Variants in STIL observed in about 807,000 individuals in gnomAD.
The protein encoded by STIL is STIL centriolar assembly protein.
Under a neutral mutation model 110.1 loss-of-function variants are expected in STIL, and 55 were observed. The observed-to-expected ratio is 0.50, with a 90% CI of 0.40 to 0.63. The LOEUF (loss-of-function observed/expected upper bound fraction) is 0.63, where lower values mean the gene tolerates loss of function less well. Ranked by LOEUF, STIL falls within the 20% of genes least tolerant of loss-of-function variation. The pLI, the probability that STIL is intolerant of heterozygous loss-of-function variation, is 0.00. For missense variants in STIL, 1,358 were observed against 1,530.0 expected, an observed-to-expected ratio of 0.89 and a Z score of 1.87; for synonymous variants, 481 against 530.0, an observed-to-expected ratio of 0.91 and a Z score of 1.27.
chr1:47,278,821 T>TA (rs60508726), intron 12 of STIL, among the ~76,000 whole-genome samples: 3 of 151,736 alleles, frequency 2.0e-5, no homozygotes, highest in African/African-American at 4.8e-5. Context: ...GTAAAAATTT[T>TA]AAAAAAAACT....
intron 2 of STIL, among the ~76,000 whole-genome samples, chr1:47,308,523 C>T (rs1187702936): frequency 4.6e-5 from 7 of 151,398 alleles, no homozygotes; most frequent in Admixed American, 4.6e-4. Flanking sequence ...GAAATACAAA[C>T]TTCACGTTTT....
Position 47,280,069 on chromosome 1 carries a change from ATCC to A in STIL, c.2217+169_2217+171del, listed in dbSNP as rs1645114105. ...GCATTGGGTTAAATTATTCTCTCTA[ATCC>A]TCATTTTACTTACCTGTAAAACAAG... On this transcript the variant is annotated intron_variant, in intron 12 of 16. Coordinates refer to ENST00000371877, the MANE Select transcript of STIL (RefSeq NM_001048166.1). Among the ~76,000 whole-genome samples the A allele has an allele frequency of 3.3e-5, 5 of 152,324 alleles. No homozygotes were observed. In the South Asian group the frequency reaches 1.0e-3, roughly 32 times the overall value.
intron 11 of STIL, among the ~76,000 whole-genome samples, chr1:47,282,061 A>G (rs1040445407): frequency 2.6e-5 from 4 of 152,142 alleles, no homozygotes; most frequent in African/African-American, 9.7e-5. Context: ...TGTCTTGGGT[A>G]GGTAACTTAA....
intron 16 of STIL, among the ~76,000 whole-genome samples, chr1:47,256,622 A>AAC (rs1376657556): frequency 1.4e-5 from 2 of 142,656 alleles, no homozygotes; most frequent in Non-Finnish European, 3.0e-5. Flanking sequence ...CTCCATCTCA[A>AAC]AAAAAAAAAA....
intron 14 of STIL, among the ~76,000 whole-genome samples, chr1:47,263,886 G>A (rs1295739960): frequency 2.0e-5 from 3 of 151,418 alleles, no homozygotes; most frequent in Non-Finnish European, 4.4e-5. Context: ...CTGAGTAGCT[G>A]GGATTACAGG....
chr1:47,309,467 A>C (rs1298597631), intron 2 of STIL, among the ~76,000 whole-genome samples: 1 of 152,112 alleles, frequency 6.6e-6, no homozygotes, highest in East Asian at 1.9e-4. Flanking sequence ...GGGGGGTAGA[A>C]CACAAGGGCC....
rs368303173 is a variant in STIL, at chr1:47,289,868, G to A, written c.873-283C>T. 4.7e-5 allele frequency among the ~76,000 whole-genome samples: 7 copies of A among 150,488 alleles called. No homozygotes were observed. The South Asian group carries it at 1.0e-3, about 23-fold the overall frequency. On this transcript the variant is annotated intron_variant, in intron 8 of 16. Coordinates refer to ENST00000371877, the MANE Select transcript of STIL (RefSeq NM_001048166.1). ...CAGGAGAATGGCGTGAACCCGGGAG[G>A]CGGAGCTTGTAATGAGCCAAGATCG...
intron 14 of STIL, 127 bp from the exon 15 acceptor site, chr1:47,263,243 T>C: frequency 3.4e-6 from 3 of 874,382 alleles, no homozygotes; most frequent in Non-Finnish European, 5.5e-6. Context: ...TTAGTGATGA[T>C]GCTACATAAA....
At chr1:47,304,368 AAAGCATCTTG>A (rs1259309073) in intron 3 of STIL, among the ~76,000 whole-genome samples, 13 of 151,966 alleles carry the variant, frequency 8.6e-5, no homozygotes, top group Non-Finnish European at 1.6e-4. Context: ...TGATTACAGA[AAAGCATCTTG>A]AAGCTAGGCT....
intron 15 of STIL, among the ~76,000 whole-genome samples, chr1:47,261,817 C>T (rs1644495453): frequency 6.7e-6 from 1 of 149,646 alleles, no homozygotes; most frequent in Non-Finnish European, 1.5e-5. Context: ...AAGGCTGAGG[C>T]ACAAGAATCG....
At chr1:47,295,885 T>G (rs769312429) in intron 6 of STIL, 37 bp from the exon 7 acceptor site, 2 of 1,468,260 alleles carry the variant, frequency 1.4e-6, no homozygotes, top group Non-Finnish European at 1.9e-6. Flanking sequence ...TAACTGAAAT[T>G]ATGTACTTTT....
At chr1:47,292,001 G>A (rs1343299510) in intron 8 of STIL, among the ~76,000 whole-genome samples, 1 of 151,176 alleles carries the variant, frequency 6.6e-6, no homozygotes, top group Non-Finnish European at 1.5e-5. Flanking sequence ...ACAGGCATGT[G>A]TCATTACACC....
chr1:47,290,234 C>T (rs1645440459), intron 8 of STIL, among the ~76,000 whole-genome samples: 1 of 151,870 alleles, frequency 6.6e-6, no homozygotes, highest in Admixed American at 6.6e-5. Context: ...TTTCTAAACA[C>T]GATATGAAAA....
chr1:47,254,049 C>T (rs149175888), intron 16 of STIL, among the ~76,000 whole-genome samples: 1,720 of 151,768 alleles, frequency 0.011, 16 homozygotes, highest in Admixed American at 0.027. Flanking sequence ...GGCGTGGTGG[C>T]GGGTGCCTGT....
At chr1:47,312,048 T>C (rs541272651) in intron 1 of STIL, among the ~76,000 whole-genome samples, 11 of 151,374 alleles carry the variant, frequency 7.3e-5, no homozygotes, top group South Asian at 2.1e-4. Context: ...TCTGTCTCAC[T>C]CTGTGTGAAG....
chr1:47,259,285 CTTTTTTTTTT>C (rs3043082), intron 16 of STIL, among the ~76,000 whole-genome samples: 4,843 of 76,116 alleles, frequency 0.064, 151 homozygotes, highest in Admixed American at 0.083. Context: ...CGCGCCCGGC[CTTTTTTTTTT>C]TTTTTTTTTT....
chr1:47,264,930 T>TTA (rs1553170458), intron 14 of STIL, among the ~76,000 whole-genome samples: 4 of 128,850 alleles, frequency 3.1e-5, no homozygotes, highest in Admixed American at 8.2e-5. Context: ...TTTCTAAAGT[T>TTA]AAAAAAAAAA....
At chr1:47,267,178 C>T (rs942435696) in intron 14 of STIL, among the ~76,000 whole-genome samples, 1 of 152,196 alleles carries the variant, frequency 6.6e-6, no homozygotes, top group Non-Finnish European at 1.5e-5. Context: ...CTTAATATAA[C>T]ACCTTGTTCC....
rs1644182145 is a variant in STIL at position 47,251,506 on chromosome 1, C to A, written c.3497G>T (p.Gly1166Val). The change falls in exon 17 of 17, where the codon GGT (glycine) becomes GTT (valine). Residue 1166 changes from glycine to valine, a missense_variant. Gly to Val is a moderately radical substitution (Grantham distance 109). Coordinates refer to ENST00000371877, the MANE Select transcript of STIL (RefSeq NM_001048166.1). ...ATTCTTAGAAGGCTCTTTCTGACCACCAAGCTGTTCAGGTATGGACCTAAG... is the reference window on the plus strand; with the variant it reads ...ATTCTTAGAAGGCTCTTTCTGACCAACAAGCTGTTCAGGTATGGACCTAAG... The part of the protein sequence containing the change: ...QNLRSIPEQL[G>V]GQKEPSKNDH... 6.2e-7 allele frequency: 1 copy of A among 1,614,086 alleles called. No homozygotes were observed. Among genetic ancestry groups the A allele is most frequent in the Non-Finnish European group, 8.5e-7 (1 of 1,180,038 alleles).
Sources: gnomAD v4.1 joint callset for allele counts (sites outside exome capture counted in the v4.1 genomes callset) on GRCh38, gnomAD v4.1.1 for gene constraint, MANE v1.5 for transcripts, NCBI Gene and HGNC (gene_info 2026-07-23, HGNC 2026-07-21) for gene names.